CNBD1: variants seen among roughly 807,000 people sequenced by gnomAD.
CNBD1 encodes cyclic nucleotide-binding domain-containing protein 1.
Under a neutral mutation model 54.4 loss-of-function variants are expected in CNBD1, and 71 were observed. That is an observed-to-expected ratio of 1.30 (90% CI 1.08 to 1.59). The LOEUF (loss-of-function observed/expected upper bound fraction) is 1.59, where lower values mean the gene tolerates loss of function less well. Ranked by LOEUF, CNBD1 falls within the 40% of genes most tolerant of loss-of-function variation. The pLI, the probability that CNBD1 is intolerant of heterozygous loss-of-function variation, is 0.00. For synonymous variants in CNBD1, 182 were observed against 170.7 expected, an observed-to-expected ratio of 1.07 and a Z score of -0.51; for missense variants, 659 against 518.0, an observed-to-expected ratio of 1.27 and a Z score of -2.64.
At chr8:87,329,223 A>C (rs1431284489) in intron 8 of CNBD1, among the ~76,000 whole-genome samples, 2 of 152,066 alleles carry the variant, frequency 1.3e-5, no homozygotes, top group African/African-American at 4.8e-5. Flanking sequence ...TCAGTTGACT[A>C]TTTTTATGTG....
rs181124118 is a variant in CNBD1, at chr8:87,086,673, A to G, written c.432-119320A>G. On this transcript the variant is annotated intron_variant, in intron 4 of 10. Transcript: ENST00000518476. ...AATACTATTTATTTTCAAAATGATG[A>G]TTTTGTGAAAAATGAAAAAAAATTT... 4.9e-4 allele frequency among the ~76,000 whole-genome samples: 75 copies of G among 152,306 alleles called. 1 individual carries two copies. The highest frequency in any genetic ancestry group is 1.7e-3 in the African/African-American group (69 of 41,576).
At chr8:87,078,547 A>T (rs1169585186) in intron 4 of CNBD1, among the ~76,000 whole-genome samples, 1 of 152,204 alleles carries the variant, frequency 6.6e-6, no homozygotes, top group Non-Finnish European at 1.5e-5. Context: ...GAGGGGAATC[A>T]TTGCATTTGA....
intron 4 of CNBD1, among the ~76,000 whole-genome samples, chr8:87,136,231 T>C (rs1371115878): frequency 2.0e-5 from 3 of 151,946 alleles, no homozygotes; most frequent in African/African-American, 7.2e-5. Context: ...CATGTCTGTC[T>C]AGGCCAGTAC....
In CNBD1 at chr8:86,887,552, G is replaced by T; in HGVS notation, c.99G>T (p.Lys33Asn). 6.4e-7 allele frequency: 1 copy of T among 1,566,230 alleles called. No individual in the cohort carries two copies. The highest frequency in any genetic ancestry group is 2.3e-5 in the East Asian group (1 of 43,304). Residue 33 changes from lysine (K) to asparagine (N), a missense_variant, in exon 2 of 11, where the codon AAG becomes AAT. Physicochemically the swap from Lys to Asn is moderately conservative, Grantham distance 94. Transcript: ENST00000518476. The part of the protein sequence containing the change: ...PPLHSIPNLK[K>N]SKHINYGQLN... ...TTGATTTTTTTTCAGACTTGAAAAA[G>T]TCTAAGCACATTAATTATGGCCAGT...
intron 3 of CNBD1, among the ~76,000 whole-genome samples, chr8:86,907,802 TC>T (rs1332523986): frequency 6.6e-6 from 1 of 152,168 alleles, no homozygotes; most frequent in East Asian, 1.9e-4. Context: ...GTGTGATATA[TC>T]TATAGATACC....
intron 4 of CNBD1, among the ~76,000 whole-genome samples, chr8:87,174,501 T>C (rs147233143): frequency 4.7e-4 from 71 of 152,316 alleles, no homozygotes; most frequent in African/African-American, 1.6e-3. Context: ...TTAATTTCTT[T>C]AAGTTTCCTC....
At chr8:86,895,882 A>G (rs76914369) in intron 2 of CNBD1, among the ~76,000 whole-genome samples, 4,771 of 152,066 alleles carry the variant, frequency 0.031, 118 homozygotes, top group Middle Eastern at 0.051. Flanking sequence ...AGTTTCTACT[A>G]TTTCTATGTC....
intron 2 of CNBD1, among the ~76,000 whole-genome samples, chr8:87,404,451 C>T (rs1169611590): frequency 6.6e-6 from 1 of 151,908 alleles, no homozygotes; most frequent in Non-Finnish European, 1.5e-5. Flanking sequence ...AGTTTCATTT[C>T]CTGAACTTTC....
chr8:87,389,652 A>C (rs1305599733), intron 2 of CNBD1, among the ~76,000 whole-genome samples: 1 of 152,222 alleles, frequency 6.6e-6, no homozygotes, highest in Non-Finnish European at 1.5e-5. Context: ...GGAAGAATCA[A>C]TATCATAAAA....
chr8:86,955,324 T>G (rs1014164826), intron 4 of CNBD1, among the ~76,000 whole-genome samples: 1 of 152,186 alleles, frequency 6.6e-6, no homozygotes, highest in African/African-American at 2.4e-5. Flanking sequence ...GCAGCATGAT[T>G]GATAATCCTT....
rs1167829447 is a variant in CNBD1 at position 87,277,902 on chromosome 8, C to A, written c.772-6776C>A. 2.6e-5 allele frequency among the ~76,000 whole-genome samples: 4 copies of A among 151,500 alleles called. No homozygotes were observed. In the Admixed American group the frequency reaches 2.6e-4, roughly 10 times the overall value. On this transcript the variant is annotated intron_variant, in intron 6 of 10. Coordinates refer to ENST00000518476, the MANE Select transcript of CNBD1 (RefSeq NM_173538.3). Reference sequence around the variant, plus strand: ...AATAAAAAATCAGTAGAAACAAACACACAGGTAATTTAGATATTGGAGTTA... The same window carrying A: ...AATAAAAAATCAGTAGAAACAAACAAACAGGTAATTTAGATATTGGAGTTA...
intron 2 of CNBD1, among the ~76,000 whole-genome samples, chr8:87,402,829 T>G (rs891337488): frequency 6.6e-6 from 1 of 152,034 alleles, no homozygotes; most frequent in Admixed American, 6.6e-5. Context: ...GAAAATAGAA[T>G]GGAAGCAAAG....
At chr8:86,969,789 T>C (rs1414104217) in intron 4 of CNBD1, among the ~76,000 whole-genome samples, 7 of 36,940 alleles carry the variant, frequency 1.9e-4, no homozygotes, top group African/African-American at 3.4e-4. Flanking sequence ...TTTATATATA[T>C]ATATACACAC....
chr8:87,273,607 C>T (rs1311653195), intron 6 of CNBD1, among the ~76,000 whole-genome samples: 1 of 151,920 alleles, frequency 6.6e-6, no homozygotes, highest in African/African-American at 2.4e-5. Context: ...AGTAATGTGA[C>T]ACTTATCCCA....
chr8:87,314,579 T>C (rs1402250372), intron 8 of CNBD1, among the ~76,000 whole-genome samples: 1 of 149,764 alleles, frequency 6.7e-6, no homozygotes, highest in Non-Finnish European at 1.5e-5. Context: ...AAATAGTAAA[T>C]ATGAAATAGT....
intron 2 of CNBD1, among the ~76,000 whole-genome samples, chr8:86,893,989 T>C (rs1425769566): frequency 2.7e-5 from 4 of 150,260 alleles, no homozygotes. Flanking sequence ...TTCCACATTA[T>C]GTACTACAAG....
intron 8 of CNBD1, among the ~76,000 whole-genome samples, chr8:87,308,180 A>G (rs1468681844): frequency 6.6e-6 from 1 of 152,140 alleles, no homozygotes; most frequent in African/African-American, 2.4e-5. Context: ...CACACAATGA[A>G]CAATTTACTT....
intron 6 of CNBD1, among the ~76,000 whole-genome samples, chr8:87,272,048 A>T (rs1808378231): frequency 6.6e-6 from 1 of 151,966 alleles, no homozygotes; most frequent in South Asian, 2.1e-4. Context: ...AGTGAATCTC[A>T]TAAAGATAAA....
chr8:87,137,409 A>G (rs537122860), intron 4 of CNBD1, among the ~76,000 whole-genome samples: 12 of 151,342 alleles, frequency 7.9e-5, no homozygotes, highest in Non-Finnish European at 1.8e-4. Context: ...TCACTGTGTT[A>G]GCCAGGATGA....
Sources: allele counts gnomAD v4.1 joint callset (sites outside exome capture counted in the v4.1 genomes callset), GRCh38; gene constraint gnomAD v4.1.1; transcripts MANE v1.5; gene names NCBI Gene and HGNC (gene_info 2026-07-23, HGNC 2026-07-21).